The following TGFBR3 variants were observed in gnomAD, a reference collection of about 807,000 sequenced individuals.
TGFBR3 encodes transforming growth factor beta receptor 3, also known as transforming growth factor beta receptor type 3.
In TGFBR3, 46 loss-of-function variants were observed where a neutral mutation model predicts 87.9. The ratio of observed to expected loss-of-function variants is 0.52; its 90% CI spans 0.41 to 0.67. The LOEUF (loss-of-function observed/expected upper bound fraction) is 0.67. Among genes scored for constraint, TGFBR3 ranks in the 30% least tolerant of loss-of-function variants. TGFBR3 has a pLI of 0.00. For missense variants in TGFBR3, 866 were observed against 1,041.9 expected (o/e 0.83, Z 2.32); for synonymous variants, 381 against 391.6 (o/e 0.97, Z 0.32).
intron 1 of TGFBR3, among the ~76,000 whole-genome samples, chr1:91,866,555 C>A (rs1444162170): frequency 6.6e-6 from 1 of 152,184 alleles, no homozygotes; most frequent in Non-Finnish European, 1.5e-5. Context: ...GTAAAAATAT[C>A]ATTTACTACT....
In TGFBR3 at chr1:91,841,911, C is replaced by A. The variant is rs144498794; in HGVS notation, c.61+19560G>T. Among the ~76,000 whole-genome samples the A allele has an allele frequency of 1.9e-3, 295 of 151,428 alleles. 3 individuals carry two copies. The East Asian group carries it at 0.036, about 18-fold the overall frequency. ...TTCAGGAGTTCGAGACCAGCCTGGG[C>A]AACAGAGCAAAACCCCGTCTCTACC... On this transcript the variant is annotated intron_variant, in intron 2 of 16. Transcript: ENST00000212355.
In TGFBR3 at chr1:91,719,349, CG is replaced by C; in HGVS notation, c.1528del (p.Arg510GlyfsTer15). 1 of 1,614,140 alleles carries C rather than the reference CG, an allele frequency of 6.2e-7. No homozygotes were observed. Among genetic ancestry groups the C allele is most frequent in the Non-Finnish European group, 8.5e-7 (1 of 1,180,034 alleles). On this transcript the variant is annotated frameshift_variant, in exon 10 of 17. Coordinates refer to ENST00000212355, the MANE Select transcript of TGFBR3 (RefSeq NM_003243.5). LOFTEE classifies it high-confidence loss of function. The stretch of plus-strand genomic sequence containing the variant: ...GACCACACCATCAAGGGCTGACCAC[CG>C]GGGCCGAGTACCGCAGCCATTCAGA... ...SPLNGCGTRP[R>X]WSALDGVVYY...
rs146052336 is a variant in TGFBR3 at position 91,855,913 on chromosome 1, T to C, written c.61+5558A>G. ...TCTCTTGTATTTATTCTCTCTCTTT[T>C]TTTTTTAACCCAAGTAAATCACCTA... On this transcript the variant is annotated intron_variant, in intron 2 of 16. Transcript: ENST00000212355. Among the ~76,000 whole-genome samples, 401 of 152,300 alleles carry C rather than the reference T, an allele frequency of 2.6e-3. 3 individuals are homozygous for C. Among genetic ancestry groups the C allele is most frequent in the African/African-American group, 9.1e-3 (377 of 41,564 alleles).
At chr1:91,888,923 C>T (rs573384046), upstream of TGFBR3, among the ~76,000 whole-genome samples, 5 of 152,046 alleles carry the variant, frequency 3.3e-5, no homozygotes, top group African/African-American at 7.2e-5. Context: ...GCTCTGCTGC[C>T]GAGGCTGGAG....
intron 14 of TGFBR3, among the ~76,000 whole-genome samples, chr1:91,707,469 G>C (rs1320010424): frequency 6.6e-6 from 1 of 152,188 alleles, no homozygotes; most frequent in Non-Finnish European, 1.5e-5. Context: ...CTGCTGCCTA[G>C]TCTTGCCAAA....
At chr1:91,785,818 A>ACT (rs1227106102) in intron 3 of TGFBR3, among the ~76,000 whole-genome samples, 8 of 144,468 alleles carry the variant, frequency 5.5e-5, no homozygotes, top group African/African-American at 2.1e-4. Flanking sequence ...CCCAGGTTGG[A>ACT]GTGCAGTGGC....
At chr1:91,792,695 G>T (rs1385921472) in intron 3 of TGFBR3, among the ~76,000 whole-genome samples, 1 of 152,122 alleles carries the variant, frequency 6.6e-6, no homozygotes, top group Non-Finnish European at 1.5e-5. Context: ...CAGGAATCAG[G>T]AAACGCCCTG....
intron 1 of TGFBR3, among the ~76,000 whole-genome samples, chr1:91,902,372 G>A (rs1007725545): frequency 4.0e-5 from 6 of 151,074 alleles, no homozygotes; most frequent in Admixed American, 6.6e-5. Context: ...TCAAACTCTC[G>A]GACTCAAGCA....
At chr1:91,852,820 T>A (rs1331782646) in intron 2 of TGFBR3, among the ~76,000 whole-genome samples, 1 of 152,132 alleles carries the variant, frequency 6.6e-6, no homozygotes, top group Non-Finnish European at 1.5e-5. Flanking sequence ...ATCCTTTCCT[T>A]GTGTATCAAA....
intron 2 of TGFBR3, among the ~76,000 whole-genome samples, chr1:91,803,585 T>C (rs1675724763): frequency 6.6e-6 from 1 of 152,162 alleles, no homozygotes; most frequent in Non-Finnish European, 1.5e-5. Context: ...TTTTTTTATA[T>C]AAGCCAATGT....
intron 16 of TGFBR3, among the ~76,000 whole-genome samples, chr1:91,687,781 T>C (rs1156777909): frequency 2.0e-5 from 3 of 152,270 alleles, no homozygotes; most frequent in Non-Finnish European, 2.9e-5. Flanking sequence ...ATTGGTTAGT[T>C]ATAGAGGGAA....
At chr1:91,691,097 T>A (rs1467186157) in intron 16 of TGFBR3, among the ~76,000 whole-genome samples, 2 of 151,462 alleles carry the variant, frequency 1.3e-5, no homozygotes, top group African/African-American at 4.9e-5. Flanking sequence ...AACTGAAAGA[T>A]AAAGATGAGA....
chr1:91,725,549 T>C (rs1048331967), intron 7 of TGFBR3, among the ~76,000 whole-genome samples: 2 of 152,200 alleles, frequency 1.3e-5, no homozygotes, highest in Non-Finnish European at 2.9e-5. Flanking sequence ...GCTGAGAACT[T>C]ACATGCGCAG....
Position 91,832,562 on chromosome 1 carries a change from T to C in TGFBR3, c.61+28909A>G, listed in dbSNP as rs909213228. Among the ~76,000 whole-genome samples, 3 of 152,140 alleles carry C rather than the reference T, an allele frequency of 2.0e-5. No individual in the cohort carries two copies. In the South Asian group the frequency reaches 6.2e-4, roughly 32 times the overall value. ...TACAGATGAAAGAACTAAGGTAGAGTGATATTAAGTAACTCACTCAAAGTC... is the reference window on the plus strand; with the variant it reads ...TACAGATGAAAGAACTAAGGTAGAGCGATATTAAGTAACTCACTCAAAGTC... On this transcript the variant is annotated intron_variant, in intron 2 of 16. Coordinates refer to ENST00000212355, the MANE Select transcript of TGFBR3 (RefSeq NM_003243.5).
chr1:91,803,000 A>T (rs948238671), intron 2 of TGFBR3, among the ~76,000 whole-genome samples: 45 of 152,032 alleles, frequency 3.0e-4, no homozygotes, highest in African/African-American at 1.0e-3. Context: ...TCTTATCTCC[A>T]CCAAAATGTC....
intron 1 of TGFBR3, among the ~76,000 whole-genome samples, chr1:91,900,396 G>A (rs886986404): frequency 5.3e-5 from 8 of 152,148 alleles, no homozygotes; most frequent in African/African-American, 1.9e-4. Context: ...TTACAGGTGT[G>A]AATCACCACG....
intron 3 of TGFBR3, among the ~76,000 whole-genome samples, chr1:91,790,120 G>A (rs1675133074): frequency 6.6e-6 from 1 of 152,062 alleles, no homozygotes; most frequent in African/African-American, 2.4e-5. Context: ...GAGAGAAATA[G>A]TACAGGCATG....
chr1:91,896,512 G>A (rs1276590765), intron 2 of TGFBR3, among the ~76,000 whole-genome samples: 1 of 152,094 alleles, frequency 6.6e-6, no homozygotes, highest in Admixed American at 6.6e-5. Flanking sequence ...TGGTGTAAAC[G>A]GCATGAATGA....
At position 91,699,042 on chromosome 1, in the gene TGFBR3, T is replaced by C. The variant is rs555982928; in HGVS notation, c.2288-912A>G. Among the ~76,000 whole-genome samples the C allele has an allele frequency of 4.6e-5, 7 of 152,008 alleles. No homozygotes were observed. In the East Asian group the frequency reaches 1.4e-3, roughly 30 times the overall value. On this transcript the variant is annotated intron_variant, in intron 14 of 16. Transcript: ENST00000212355. ...ATGTTATAACCCTGACTAAACCCCTTGATGACTCTCCTTCCTTTATAGGGA... is the reference window on the plus strand; with the variant it reads ...ATGTTATAACCCTGACTAAACCCCTCGATGACTCTCCTTCCTTTATAGGGA...
Sources: gnomAD v4.1 joint callset for allele counts (sites outside exome capture counted in the v4.1 genomes callset) on GRCh38, gnomAD v4.1.1 for gene constraint, MANE v1.5 for transcripts, NCBI Gene and HGNC (gene_info 2026-07-23, HGNC 2026-07-21) for gene names.